The following TMEM64 variants were observed in gnomAD, a reference collection of about 807,000 sequenced individuals.
TMEM64 encodes transmembrane protein 64.
A neutral mutation model predicts 24.5 loss-of-function variants in TMEM64; 19 were observed. That is an observed-to-expected ratio of 0.78 (90% confidence interval 0.54 to 1.14). TMEM64 has a LOEUF of 1.14. Ranked by LOEUF, TMEM64 falls within the 50% of genes most tolerant of loss-of-function variation. TMEM64 has a pLI of 0.00. For synonymous variants in TMEM64, 262 were observed against 224.7 expected (o/e 1.17, Z -1.49); for missense variants, 487 against 493.0 (o/e 0.99, Z 0.12).
intron 1 of TMEM64, among the ~76,000 whole-genome samples, chr8:90,641,880 A>G (rs902299025): frequency 2.0e-5 from 3 of 152,234 alleles, no homozygotes; most frequent in Non-Finnish European, 2.9e-5. Flanking sequence ...AGCAAACTAT[A>G]TATTTTATCA....
intron 1 of TMEM64, among the ~76,000 whole-genome samples, chr8:90,636,327 C>T (rs1288192373): frequency 2.0e-5 from 3 of 152,202 alleles, no homozygotes; most frequent in Non-Finnish European, 2.9e-5. Flanking sequence ...ACGATCTCGG[C>T]TCACTGCAAC....
rs1231613239 is a variant in TMEM64 at position 90,645,617 on chromosome 8, CGCCGCCACTCCCGGG to C, written c.274_288del (p.Pro92_Gly96del). The C allele has an allele frequency of 3.9e-6, 6 of 1,534,932 alleles. No individual in the cohort carries two copies. The highest frequency in any genetic ancestry group is 5.2e-6 in the Non-Finnish European group (6 of 1,144,930). On this transcript the variant is annotated inframe_deletion, in exon 1 of 3. Coordinates refer to ENST00000458549, the MANE Select transcript of TMEM64 (RefSeq NM_001008495.4). The surrounding 1 kb of genome is among the most constrained non-coding windows in gnomAD (Gnocchi z 4.2). ...TCAGCCACGCCGACCACCACGCCGC[CGCCGCCACTCCCGGG>C]GCCGCCCGCCAAGGCCCCGCCCGGC...
rs1809660780 is a variant in TMEM64 at position 90,644,724 on chromosome 8, C to A, written c.795+387G>T. Reference sequence around the variant, plus strand: ...GTCGCTAAAAACTTGAATCAAAACCCTGGATGTATTTATGTAAGCAAGAGA... The same window carrying A: ...GTCGCTAAAAACTTGAATCAAAACCATGGATGTATTTATGTAAGCAAGAGA... On this transcript the variant is annotated intron_variant, in intron 1 of 2. Transcript: ENST00000458549. 2.6e-5 allele frequency among the ~76,000 whole-genome samples: 4 copies of A among 152,266 alleles called. No individual in the cohort carries two copies. In the South Asian group the frequency reaches 8.3e-4, roughly 32 times the overall value.
intron 1 of TMEM64, among the ~76,000 whole-genome samples, chr8:90,639,214 GT>G (rs1487471515): frequency 2.0e-5 from 3 of 152,064 alleles, no homozygotes; most frequent in African/African-American, 7.2e-5. Context: ...GACAGAAATG[GT>G]TAGGTCAATG....
At chr8:90,629,958 C>T (rs1210605074) in intron 2 of TMEM64, among the ~76,000 whole-genome samples, 1 of 152,012 alleles carries the variant, frequency 6.6e-6, no homozygotes, top group South Asian at 2.1e-4. Context: ...TAAGATAGGG[C>T]CTCAAAAACT....
Position 90,622,578 on chromosome 8 carries a change from C to T in TMEM64, c.*3093G>A, listed in dbSNP as rs1192349285. 6.6e-6 allele frequency: 1 copy of T among 152,246 alleles called. No homozygotes were observed. The highest frequency in any genetic ancestry group is 1.5e-5 in the Non-Finnish European group (1 of 68,066). 9.4% of individuals were successfully genotyped at this position (152,246 alleles called of 1,614,324 possible). A position where few individuals can be genotyped will look rare whatever the true frequency, so the allele number is the denominator to read the frequency against. On this transcript the variant is annotated 3_prime_UTR_variant, in exon 3 of 3. Coordinates refer to ENST00000458549, the MANE Select transcript of TMEM64 (RefSeq NM_001008495.4). Reference sequence around the variant, plus strand: ...ATTCTAAAGATATCCCCAGAGCTAACAAATATTGACATATGTCACAGCACC... The same window carrying T: ...ATTCTAAAGATATCCCCAGAGCTAATAAATATTGACATATGTCACAGCACC...
At chr8:90,642,842 TGAA>T (rs1235630405) in intron 1 of TMEM64, among the ~76,000 whole-genome samples, 4 of 152,166 alleles carry the variant, frequency 2.6e-5, no homozygotes, top group Non-Finnish European at 5.9e-5. Flanking sequence ...GGTGGGTGAC[TGAA>T]GAAGTTCCTG....
At chr8:90,628,365 GT>G (rs1464225444) in intron 2 of TMEM64, among the ~76,000 whole-genome samples, 1 of 152,140 alleles carries the variant, frequency 6.6e-6, no homozygotes, top group Non-Finnish European at 1.5e-5. Context: ...AGCAAGAGAG[GT>G]AATCTGCTGA....
chr8:90,645,648 C>A lies in TMEM64; in HGVS notation c.258G>T (p.Gly86=). 1 of 1,530,948 alleles carries A rather than the reference C, an allele frequency of 6.5e-7. No homozygotes were observed. The highest frequency in any genetic ancestry group is 1.2e-5 in the South Asian group (1 of 83,656). The allele number at this position is 1,530,948 out of a possible 1,614,324, so 94.8% of individuals were successfully genotyped here. A position where few individuals can be genotyped will look rare whatever the true frequency, so the allele number is the denominator to read the frequency against. Residue 86 remains glycine (G), a synonymous_variant, in exon 1 of 3, where the codon GGG becomes GGT. Coordinates refer to ENST00000458549, the MANE Select transcript of TMEM64 (RefSeq NM_001008495.4). The surrounding 1 kb of genome is among the most constrained non-coding windows in gnomAD (Gnocchi z 4.2). ...PEASELPEPG[G]ALAGGPGSGG... Reference sequence around the variant, plus strand: ...CACTCCCGGGGCCGCCCGCCAAGGCCCCGCCCGGCTCCGGCAGCTCCGAAG... The same window carrying A: ...CACTCCCGGGGCCGCCCGCCAAGGCACCGCCCGGCTCCGGCAGCTCCGAAG...
At position 90,624,470 on chromosome 8, in the gene TMEM64, A is replaced by G. The variant is rs914462398; in HGVS notation, c.*1201T>C. 1.3e-5 allele frequency: 2 copies of G among 152,544 alleles called. No individual in the cohort carries two copies. Among genetic ancestry groups the G allele is most frequent in the African/African-American group, 4.8e-5 (2 of 41,462 alleles). The allele number at this position is 152,544 out of a possible 1,614,324, so 9.4% of individuals were successfully genotyped here. On this transcript the variant is annotated 3_prime_UTR_variant, in exon 3 of 3. Transcript: ENST00000458549. The stretch of plus-strand genomic sequence containing the variant: ...ACATATGTAATATGAATCATATGCC[A>G]AATTATATTCTATAGTCATAAGTGC...
rs1056403688 is a variant in TMEM64, at chr8:90,645,039, C to A, written c.795+72G>T. On this transcript the variant is annotated intron_variant, in intron 1 of 2. Coordinates refer to ENST00000458549, the MANE Select transcript of TMEM64 (RefSeq NM_001008495.4). This position sits in a 1 kb window ranked among gnomAD's most constrained non-coding sequence, Gnocchi z 4.2. ...CTGCTGGTATTTATCTGATAGAGCGCCCTCCTAGGGCCGCCACAAGACCGC... is the reference window on the plus strand; with the variant it reads ...CTGCTGGTATTTATCTGATAGAGCGACCTCCTAGGGCCGCCACAAGACCGC... 1.0e-5 allele frequency: 15 copies of A among 1,471,238 alleles called. No individual in the cohort carries two copies. Among genetic ancestry groups the A allele is most frequent in the African/African-American group, 1.4e-5 (1 of 70,994 alleles). The allele number at this position is 1,471,238 out of a possible 1,614,324, so 91.1% of individuals were successfully genotyped here.
chr8:90,638,002 C>T (rs1383528329), intron 1 of TMEM64, among the ~76,000 whole-genome samples: 1 of 152,152 alleles, frequency 6.6e-6, no homozygotes, highest in Non-Finnish European at 1.5e-5. Context: ...ATATCTACTA[C>T]ATCTTGTCAA....
At position 90,642,389 on chromosome 8, in the gene TMEM64, C is replaced by CA. The variant is rs573305738; in HGVS notation, c.795+2721dup. Among the ~76,000 whole-genome samples the CA allele has an allele frequency of 4.4e-4, 65 of 146,504 alleles. 1 individual carries two copies. The highest frequency in any genetic ancestry group is 2.2e-3 in the South Asian group (10 of 4,646). ...ATGAATTTCTCTAATTATGGGCACA[C>CA]AAAAAAAATGAGTTTTAACTGGAAT... On this transcript the variant is annotated intron_variant, in intron 1 of 2. Transcript: ENST00000458549.
rs1809681161 is a variant in TMEM64 at position 90,645,509 on chromosome 8, A to ACG, written c.396_397insCG (p.Cys133ArgfsTer66). The ACG allele has an allele frequency of 1.9e-6, 3 of 1,550,468 alleles. No individual in the cohort carries two copies. Among genetic ancestry groups the ACG allele is most frequent in the Admixed American group, 2.0e-5 (1 of 50,990 alleles). The stretch of plus-strand genomic sequence containing the variant: ...CGGACCAGGGCCAGGGAAGCGAAGC[A>ACG]CAGGGCGGCCAACACGCAGACCAGC... On this transcript the variant is annotated frameshift_variant, in exon 1 of 3. Transcript: ENST00000458549. LOFTEE classifies it high-confidence loss of function. This position sits in a 1 kb window ranked among gnomAD's most constrained non-coding sequence, Gnocchi z 4.2.
intron 1 of TMEM64, among the ~76,000 whole-genome samples, chr8:90,640,184 C>A (rs572413162): frequency 4.6e-5 from 7 of 152,272 alleles, no homozygotes; most frequent in African/African-American, 1.7e-4. Flanking sequence ...TTCTATTTTG[C>A]CTGAACTGTA....
Position 90,623,184 on chromosome 8 carries a change from A to G in TMEM64, c.*2487T>C, listed in dbSNP as rs1279990320. ...ATCATTTTTAAGTGTGCATTAAGCA[A>G]CTTTATACTGCACTTTAACAGTCTG... On this transcript the variant is annotated 3_prime_UTR_variant, in exon 3 of 3. Transcript: ENST00000458549. The G allele has an allele frequency of 6.6e-6, 1 of 152,174 alleles. No homozygotes were observed. Among genetic ancestry groups the G allele is most frequent in the African/African-American group, 2.4e-5 (1 of 41,450 alleles). The allele number at this position is 152,174 out of a possible 1,614,324, so 9.4% of individuals were successfully genotyped here.
chr8:90,633,829 CT>C (rs1009755088), intron 1 of TMEM64, among the ~76,000 whole-genome samples: 1 of 151,750 alleles, frequency 6.6e-6, no homozygotes, highest in African/African-American at 2.4e-5. Context: ...TTCACATTTG[CT>C]TTTTTTATTG....
chr8:90,645,489 C>T lies in TMEM64; in HGVS notation c.417G>A (p.Leu139=). The change falls in exon 1 of 3, where the codon CTG becomes CTA. Residue 139 remains leucine, a synonymous_variant. Coordinates refer to ENST00000458549, the MANE Select transcript of TMEM64 (RefSeq NM_001008495.4). The surrounding 1 kb of genome is among the most constrained non-coding windows in gnomAD (Gnocchi z 4.2). ...LAALCFASLA[L]VRRYLHHLLL... ...GGAGGTGGTGAAGGTAGCGGCGGAC[C>T]AGGGCCAGGGAAGCGAAGCACAGGG... The T allele has an allele frequency of 6.4e-7, 1 of 1,551,124 alleles. No homozygotes were observed. Among genetic ancestry groups the T allele is most frequent in the Non-Finnish European group, 8.7e-7 (1 of 1,146,998 alleles).
rs1367219031 is a variant in TMEM64, at chr8:90,622,254, C to A, written c.*3417G>T. ...TATCCTGTGGAACAGTGATTCCTCT[C>A]CCTTCTAATGGCTTTTCAGATTAAA... On this transcript the variant is annotated 3_prime_UTR_variant, in exon 3 of 3. Transcript: ENST00000458549. 6.6e-6 allele frequency: 1 copy of A among 152,180 alleles called. No individual in the cohort carries two copies. Among genetic ancestry groups the A allele is most frequent in the Non-Finnish European group, 1.5e-5 (1 of 68,024 alleles). The allele number at this position is 152,180 out of a possible 1,614,324, so 9.4% of individuals were successfully genotyped here. A position where few individuals can be genotyped will look rare whatever the true frequency, so the allele number is the denominator to read the frequency against.
Sources: allele counts gnomAD v4.1 joint callset (sites outside exome capture counted in the v4.1 genomes callset), GRCh38; gene constraint gnomAD v4.1.1; non-coding constraint Gnocchi (gnomAD v3.1); transcripts MANE v1.5; gene names NCBI Gene and HGNC (gene_info 2026-07-23, HGNC 2026-07-21).